ALDH1A2: variants seen among roughly 807,000 people sequenced by gnomAD.
ALDH1A2 encodes aldehyde dehydrogenase 1 family member A2.
A neutral mutation model predicts 60.3 loss-of-function variants in ALDH1A2; 27 were observed. That is an observed-to-expected ratio of 0.45 (90% confidence interval 0.33 to 0.62). The LOEUF (loss-of-function observed/expected upper bound fraction) is 0.62. Ranked by LOEUF, ALDH1A2 falls within the 20% of genes least tolerant of loss-of-function variation. The probability of loss-of-function intolerance (pLI) is 0.02; values close to 1 mark genes in which losing one functional copy is unlikely to be tolerated. For synonymous variants in ALDH1A2, 289 were observed against 232.4 expected, an observed-to-expected ratio of 1.24 and a Z score of -2.21; for missense variants, 581 against 643.8, an observed-to-expected ratio of 0.90 and a Z score of 1.06.
chr15:58,035,526 TTTC>T (rs1159085455), intron 1 of ALDH1A2, among the ~76,000 whole-genome samples: 3 of 151,644 alleles, frequency 2.0e-5, no homozygotes, highest in South Asian at 2.1e-4. Flanking sequence ...GCTTAGACTA[TTTC>T]TTATTTTTAA....
intron 7 of ALDH1A2, among the ~76,000 whole-genome samples, chr15:57,978,869 T>C (rs528669322): frequency 6.6e-6 from 1 of 152,288 alleles, no homozygotes; most frequent in African/African-American, 2.4e-5. Context: ...AAACCTCGTC[T>C]CTACTAAAAA....
At chr15:57,982,301 A>G (rs1894541816) in intron 7 of ALDH1A2, among the ~76,000 whole-genome samples, 1 of 152,236 alleles carries the variant, frequency 6.6e-6, no homozygotes, top group Non-Finnish European at 1.5e-5. Flanking sequence ...CCACTCAAGT[A>G]TAATAGATGT....
chr15:57,980,146 C>A (rs1450603936), intron 7 of ALDH1A2: 2 of 284,740 alleles, frequency 7.0e-6, no homozygotes, highest in Non-Finnish European at 1.5e-5. Flanking sequence ...CCATTTGCAG[C>A]CCGATGACGC....
chr15:58,010,259 T>C (rs1393671201), intron 4 of ALDH1A2, among the ~76,000 whole-genome samples: 1 of 151,766 alleles, frequency 6.6e-6, no homozygotes, highest in Non-Finnish European at 1.5e-5. Flanking sequence ...TTCCAAAGAG[T>C]AGATCTTATA....
In ALDH1A2 at chr15:57,983,338, A is replaced by G. The variant is rs572796444; in HGVS notation, c.798+9367T>C. ...AATAACACATTGTGAGTCCCTGAGGACTCACGAGGGTCCTCACAGCTAGCA... is the reference window on the plus strand; with the variant it reads ...AATAACACATTGTGAGTCCCTGAGGGCTCACGAGGGTCCTCACAGCTAGCA... On this transcript the variant is annotated intron_variant, in intron 7 of 12. Transcript: ENST00000249750. Among the ~76,000 whole-genome samples the G allele has an allele frequency of 1.4e-4, 21 of 152,172 alleles. 1 individual carries two copies. The highest frequency in any genetic ancestry group is 5.1e-4 in the African/African-American group (21 of 41,528).
At chr15:58,042,208 C>A (rs1896533901) in intron 1 of ALDH1A2, among the ~76,000 whole-genome samples, 1 of 151,938 alleles carries the variant, frequency 6.6e-6, no homozygotes, top group East Asian at 1.9e-4. Context: ...ACAGTAAAAT[C>A]TTAGTCATCT....
At chr15:57,978,870 C>G (rs1240771829) in intron 7 of ALDH1A2, among the ~76,000 whole-genome samples, 2 of 152,166 alleles carry the variant, frequency 1.3e-5, no homozygotes, top group African/African-American at 4.8e-5. Flanking sequence ...AACCTCGTCT[C>G]TACTAAAAAT....
chr15:58,055,335 A>G (rs1364760654), intron 1 of ALDH1A2, among the ~76,000 whole-genome samples: 2 of 152,168 alleles, frequency 1.3e-5, no homozygotes, highest in African/African-American at 2.4e-5. Context: ...TATTAATAAT[A>G]AAAGCCGTAG....
intron 7 of ALDH1A2, among the ~76,000 whole-genome samples, chr15:57,966,584 G>T (rs1469821405): frequency 1.3e-5 from 2 of 152,214 alleles, no homozygotes; most frequent in African/African-American, 4.8e-5. Context: ...ACCTCCTTCA[G>T]GGTCCACCTC....
Position 57,954,056 on chromosome 15 carries a change from G to A in ALDH1A2, c.*1141C>T, listed in dbSNP as rs1450475487. On this transcript the variant is annotated 3_prime_UTR_variant, in exon 13 of 13. Transcript: ENST00000249750. ...GAATGGGGTGTGACAGAGGAGCTCA[G>A]TGGAGCACGGCAGTCCTGGCACAAT... 1 of 152,490 alleles carries A rather than the reference G, an allele frequency of 6.6e-6. No homozygotes were observed. Among genetic ancestry groups the A allele is most frequent in the Non-Finnish European group, 1.5e-5 (1 of 68,122 alleles). 9.4% of individuals were successfully genotyped at this position (152,490 alleles called of 1,614,324 possible).
In ALDH1A2 at chr15:57,963,879, T is replaced by C. The variant is rs1893808465; in HGVS notation, c.1086+6A>G. On this transcript the variant is annotated splice_donor_region_variant and intron_variant, in intron 9 of 12. Transcript: ENST00000249750. Reference sequence around the variant, plus strand: ...TAAACAAAGGGAATGGTTATGATTTTTCTACCTGGGGACCCTGCTCAGTGG... The same window carrying C: ...TAAACAAAGGGAATGGTTATGATTTCTCTACCTGGGGACCCTGCTCAGTGG... 2 of 1,614,020 alleles carry C rather than the reference T, an allele frequency of 1.2e-6. No homozygotes were observed.
chr15:58,033,458 T>C (rs1896296620), intron 1 of ALDH1A2, among the ~76,000 whole-genome samples: 1 of 151,910 alleles, frequency 6.6e-6, no homozygotes, highest in African/African-American at 2.4e-5. Flanking sequence ...TTTTTGTTTA[T>C]TCATGGTATT....
chr15:57,993,116 T>C, intron 5 of ALDH1A2, 43 bp from the exon 6 acceptor site: 1 of 1,605,492 alleles, frequency 6.2e-7, no homozygotes, highest in Non-Finnish European at 8.5e-7. Context: ...AAAAACATTC[T>C]TCCACTACTT....
chr15:58,014,295 T>TCCC lies in ALDH1A2; in HGVS notation c.118-15_118-14insGGG. The TCCC allele has an allele frequency of 6.2e-7, 1 of 1,601,884 alleles. No individual in the cohort carries two copies. Among genetic ancestry groups the TCCC allele is most frequent in the Non-Finnish European group, 8.6e-7 (1 of 1,168,910 alleles). On this transcript the variant is annotated splice_polypyrimidine_tract_variant and intron_variant, in intron 1 of 12. Transcript: ENST00000249750. ...GTTTATAAAGATCTAAGGGAGTAGATAACAGAATGGGATCTGTGACACAGG... is the reference window on the plus strand; with the variant it reads ...GTTTATAAAGATCTAAGGGAGTAGATCCCAACAGAATGGGATCTGTGACACAGG...
intron 7 of ALDH1A2, among the ~76,000 whole-genome samples, chr15:57,987,293 G>A (rs1018899575): frequency 3.3e-5 from 5 of 151,954 alleles, no homozygotes; most frequent in African/African-American, 7.2e-5. Flanking sequence ...TTCCCAGTTT[G>A]ATGAAAACTA....
At chr15:58,003,400 A>C (rs1273798335) in intron 4 of ALDH1A2, among the ~76,000 whole-genome samples, 2 of 151,918 alleles carry the variant, frequency 1.3e-5, no homozygotes, top group Non-Finnish European at 2.9e-5. Context: ...GCAAAATCTT[A>C]GGATCTGAAT....
intron 1 of ALDH1A2, among the ~76,000 whole-genome samples, chr15:58,059,473 A>G (rs1896970041): frequency 6.6e-6 from 1 of 152,214 alleles, no homozygotes; most frequent in Non-Finnish European, 1.5e-5. Context: ...AATTATATAA[A>G]GTAAGATACC....
intron 1 of ALDH1A2, among the ~76,000 whole-genome samples, chr15:58,056,078 T>C (rs1896888687): frequency 6.6e-6 from 1 of 152,108 alleles, no homozygotes; most frequent in East Asian, 1.9e-4. Context: ...ACAGCTAATA[T>C]TTAAGTACTT....
intron 1 of ALDH1A2, 169 bp downstream of exon 1, chr15:58,065,365 C>G: frequency 1.4e-6 from 1 of 709,900 alleles, no homozygotes; most frequent in South Asian, 1.5e-5. Context: ...GGGCTTCAAA[C>G]GCCCCAGTCC....
Sources: gnomAD v4.1 joint callset for allele counts (sites outside exome capture counted in the v4.1 genomes callset) on GRCh38, gnomAD v4.1.1 for gene constraint, MANE v1.5 for transcripts, NCBI Gene and HGNC (gene_info 2026-07-23, HGNC 2026-07-21) for gene names.